Variants in CEP152 observed in about 807,000 individuals in gnomAD.
CEP152 encodes the protein centrosomal protein 152, also known as centrosomal protein of 152 kDa.
Under a neutral mutation model 188.9 loss-of-function variants are expected in CEP152, and 132 were observed. The ratio of observed to expected loss-of-function variants is 0.70; its 90% CI spans 0.61 to 0.81. CEP152 has a LOEUF of 0.81. Among genes scored for constraint, CEP152 ranks in the 30% least tolerant of loss-of-function variants. CEP152 has a pLI of 0.00. For synonymous variants in CEP152, 649 were observed against 666.6 expected, an observed-to-expected ratio of 0.97 and a Z score of 0.41; for missense variants, 1,914 against 1,969.8, an observed-to-expected ratio of 0.97 and a Z score of 0.54.
chr15:48,779,738 C>T (rs1193275774), intron 12 of CEP152, among the ~76,000 whole-genome samples: 2 of 152,200 alleles, frequency 1.3e-5, no homozygotes, highest in Admixed American at 6.5e-5. Context: ...CCAGTAGCCC[C>T]TTAGAATTAA....
intron 8 of CEP152, among the ~76,000 whole-genome samples, chr15:48,789,908 A>T (rs945531412): frequency 6.6e-6 from 1 of 152,320 alleles, no homozygotes; most frequent in South Asian, 2.1e-4. Flanking sequence ...ATAAATTTGT[A>T]TTGTTTTAAA....
intron 19 of CEP152, among the ~76,000 whole-genome samples, chr15:48,759,175 ATTACT>A (rs1219071190): frequency 2.0e-5 from 3 of 152,084 alleles, no homozygotes; most frequent in South Asian, 2.1e-4. Flanking sequence ...ATTTCAACCT[ATTACT>A]TTATCTTTGC....
At chr15:48,787,160 T>C (rs1057265484) in intron 9 of CEP152, among the ~76,000 whole-genome samples, 1 of 115,708 alleles carries the variant, frequency 8.6e-6, no homozygotes, top group African/African-American at 3.1e-5. Context: ...TGGTATAGCC[T>C]TCGTTTTTTT....
intron 2 of CEP152, among the ~76,000 whole-genome samples, chr15:48,800,914 C>T (rs945095604): frequency 6.6e-6 from 1 of 152,122 alleles, no homozygotes; most frequent in Non-Finnish European, 1.5e-5. Context: ...TTTGCAATAA[C>T]CCATGTAGAA....
chr15:48,733,495 T>C (rs1057356129), downstream of CEP152, among the ~76,000 whole-genome samples: 7 of 151,938 alleles, frequency 4.6e-5, no homozygotes, highest in Non-Finnish European at 8.8e-5. Context: ...AAAACAATAA[T>C]GATTAAAGAA....
chr15:48,787,350 T>A (rs535640045), intron 9 of CEP152, among the ~76,000 whole-genome samples: 5 of 151,804 alleles, frequency 3.3e-5, no homozygotes, highest in Non-Finnish European at 7.4e-5. Flanking sequence ...TATTTTTTCT[T>A]CGTAAAGACA....
chr15:48,808,884 A>G (rs1898161456), intron 1 of CEP152, among the ~76,000 whole-genome samples: 1 of 152,216 alleles, frequency 6.6e-6, no homozygotes, highest in South Asian at 2.1e-4. Context: ...TTGAGAAATC[A>G]AGATGCAGAT....
intron 21 of CEP152, among the ~76,000 whole-genome samples, chr15:48,749,928 T>C (rs1270481046): frequency 2.0e-5 from 3 of 152,082 alleles, no homozygotes; most frequent in Non-Finnish European, 4.4e-5. Context: ...TTAAATTTAC[T>C]GTACTAAGGT....
intron 13 of CEP152, 126 bp from the exon 14 acceptor site, chr15:48,769,207 TC>T: frequency 2.8e-6 from 2 of 708,194 alleles, no homozygotes; most frequent in South Asian, 3.7e-5. Flanking sequence ...TTACTCATCT[TC>T]CCCCAATATA....
rs2140617846 is a variant in CEP152, at chr15:48,748,625, T to C, written c.3467-15A>G. ...CTTTTTCTTATCTGCAAAAATTAAA[T>C]GACAGAAAACTTTTATATCAGTTTA... On this transcript the variant is annotated splice_polypyrimidine_tract_variant and intron_variant, in intron 21 of 26. Transcript: ENST00000380950. 2.1e-6 allele frequency: 3 copies of C among 1,429,192 alleles called. No individual in the cohort carries two copies. 88.5% of individuals were successfully genotyped at this position (1,429,192 alleles called of 1,614,324 possible). A position where few individuals can be genotyped will look rare whatever the true frequency, so the allele number is the denominator to read the frequency against.
At chr15:48,740,193 T>C (rs545052271) in intron 26 of CEP152, among the ~76,000 whole-genome samples, 4 of 152,358 alleles carry the variant, frequency 2.6e-5, no homozygotes, top group African/African-American at 9.6e-5. Flanking sequence ...TACAGTTTCT[T>C]GGGAGACTAT....
At chr15:48,781,457 CA>C (rs1217642736) in intron 11 of CEP152, 98 bp from the exon 12 acceptor site, 4 of 899,854 alleles carry the variant, frequency 4.4e-6, no homozygotes, top group Non-Finnish European at 5.2e-6. Flanking sequence ...CAACAGGAGG[CA>C]AAAAAACTTC....
At chr15:48,783,768 T>C in intron 10 of CEP152, 1 of 171,788 alleles carries the variant, frequency 5.8e-6, no homozygotes, top group Non-Finnish European at 1.0e-5. Flanking sequence ...TTTATATATG[T>C]GTGTATGTAT....
chr15:48,738,873 TC>T lies in CEP152; in HGVS notation c.4508del (p.Gly1503GlufsTer20). On this transcript the variant is annotated frameshift_variant, in exon 27 of 27. Transcript: ENST00000380950. LOFTEE classifies it low-confidence loss of function (END_TRUNC). ...GGGTACATCTAGGTGAGGGTTTATT[TC>T]CTAAGGTTCCAAGAAAGGGGTATGC... ...SAAYPFLGTL[G>X]NKPSPRCTPG... 3 of 1,614,228 alleles carry T rather than the reference TC, an allele frequency of 1.9e-6. No homozygotes were observed. Among genetic ancestry groups the T allele is most frequent in the Non-Finnish European group, 2.5e-6 (3 of 1,180,028 alleles).
intron 21 of CEP152, among the ~76,000 whole-genome samples, chr15:48,748,866 G>T (rs1455214462): frequency 6.6e-6 from 1 of 152,010 alleles, no homozygotes; most frequent in African/African-American, 2.4e-5. Context: ...TTTAAAAATA[G>T]TCATGAAACC....
chr15:48,797,731 C>G lies in CEP152; in HGVS notation c.192-1G>C. On this transcript the variant is annotated splice_acceptor_variant, in intron 3 of 26. Coordinates refer to ENST00000380950, the MANE Select transcript of CEP152 (RefSeq NM_001194998.2). LOFTEE classifies it high-confidence loss of function. ...CTCCAATTGCTCAGGATGATGTGGT[C>G]TCGAGAAAAAGGAATACTTTCGATT... 6.2e-7 allele frequency: 1 copy of G among 1,613,928 alleles called. No individual in the cohort carries two copies. The highest frequency in any genetic ancestry group is 1.3e-5 in the African/African-American group (1 of 75,024).
intron 7 of CEP152, 46 bp downstream of exon 7, chr15:48,793,275 T>C (rs975908750): frequency 6.2e-7 from 1 of 1,607,636 alleles, no homozygotes; most frequent in African/African-American, 1.3e-5. Flanking sequence ...GGAAACAAGA[T>C]ATCTAACTCA....
rs373907642 is a variant in CEP152, at chr15:48,793,362, C to T, written c.791G>A (p.Arg264His). The change falls in exon 7 of 27, where the codon CGT becomes CAT. Residue 264 changes from arginine to histidine, a missense_variant. Physicochemically the swap from Arg to His is conservative, Grantham distance 29. Coordinates refer to ENST00000380950, the MANE Select transcript of CEP152 (RefSeq NM_001194998.2). ...NLIEKLNESE[R>H]QIRYLNHQLV... Reference sequence around the variant, plus strand: ...CTGGTGATTCAGATATCGAATTTGACGTTCACTTTCATTTAACTTTTCAAT... The same window carrying T: ...CTGGTGATTCAGATATCGAATTTGATGTTCACTTTCATTTAACTTTTCAAT... 1.4e-5 allele frequency: 23 copies of T among 1,613,872 alleles called. No homozygotes were observed. Among genetic ancestry groups the T allele is most frequent in the East Asian group, 1.3e-4 (6 of 44,830 alleles).
intron 7 of CEP152, 133 bp downstream of exon 7, chr15:48,793,188 T>C: frequency 1.0e-6 from 1 of 994,348 alleles, no homozygotes; most frequent in Non-Finnish European, 1.5e-6. Flanking sequence ...GGTTTTGTTT[T>C]GCTATGCCTC....
Sources: gnomAD v4.1 joint callset for allele counts (sites outside exome capture counted in the v4.1 genomes callset) on GRCh38, gnomAD v4.1.1 for gene constraint, MANE v1.5 for transcripts, NCBI Gene and HGNC (gene_info 2026-07-23, HGNC 2026-07-21) for gene names.